The following MYCBP2 variants were observed in gnomAD, a reference collection of about 807,000 sequenced individuals.
MYCBP2 encodes the protein MYC binding protein 2.
A neutral mutation model predicts 525.3 loss-of-function variants in MYCBP2; 120 were observed. The ratio of observed to expected loss-of-function variants is 0.23; its 90% confidence interval spans 0.20 to 0.27. The LOEUF is 0.27. Among genes scored for constraint, MYCBP2 ranks in the 10% least tolerant of loss-of-function variants. The pLI, the probability that MYCBP2 is intolerant of heterozygous loss-of-function variation, is 1.00. For synonymous variants in MYCBP2, 1,894 were observed against 1,955.8 expected (o/e 0.97, Z 0.83); for missense variants, 4,149 against 5,657.1 (o/e 0.73, Z 8.55).
intron 1 of MYCBP2, among the ~76,000 whole-genome samples, chr13:77,301,077 A>G (rs890067862): frequency 2.6e-5 from 4 of 152,164 alleles, no homozygotes; most frequent in African/African-American, 4.8e-5. Context: ...TCCCAGTGGT[A>G]TATCTCCTCA....
At chr13:77,107,610 C>T (rs1594600999) in intron 55 of MYCBP2, among the ~76,000 whole-genome samples, 2 of 151,958 alleles carry the variant, frequency 1.3e-5, no homozygotes, top group South Asian at 2.1e-4. Flanking sequence ...TGGGGACACT[C>T]GCCTCCAGTC....
chr13:77,186,862 A>G (rs1294005135), intron 30 of MYCBP2, among the ~76,000 whole-genome samples: 1 of 148,904 alleles, frequency 6.7e-6, no homozygotes, highest in East Asian at 2.0e-4. Context: ...CTGGAATGCA[A>G]TGGTGTGATC....
At chr13:77,194,079 T>C in intron 27 of MYCBP2, 74 bp downstream of exon 27, 1 of 909,590 alleles carries the variant, frequency 1.1e-6, no homozygotes, top group Non-Finnish European at 1.7e-6. Flanking sequence ...TTTTAAAGTA[T>C]GTTTATTCAT....
chr13:77,159,721 G>GT lies in MYCBP2; in HGVS notation c.6598-1613dup, dbSNP rs1314288435. Among the ~76,000 whole-genome samples, 3 of 152,018 alleles carry GT rather than the reference G, an allele frequency of 2.0e-5. No homozygotes were observed. The East Asian group carries it at 5.8e-4, about 29-fold the overall frequency. On this transcript the variant is annotated intron_variant, in intron 44 of 82. Coordinates refer to ENST00000544440, the MANE Select transcript of MYCBP2 (RefSeq NM_015057.5). ...TTCCCTTTTGCCTTCTGCCATGATT[G>GT]TAAGTTTCCTGAGGCCTCCTCAGCC...
chr13:77,070,827 G>A, intron 68 of MYCBP2, 116 bp from the exon 69 acceptor site: 1 of 581,832 alleles, frequency 1.7e-6, no homozygotes, highest in Non-Finnish European at 2.8e-6. Flanking sequence ...TATTTTTAAA[G>A]TAAATTTATT....
chr13:77,214,175 C>A (rs2064452893), intron 21 of MYCBP2, among the ~76,000 whole-genome samples: 1 of 152,212 alleles, frequency 6.6e-6, no homozygotes, highest in South Asian at 2.1e-4. Context: ...AAAGGTACCA[C>A]AACACATTCT....
At chr13:77,242,913 C>T (rs1594259081) in intron 17 of MYCBP2, 146 bp downstream of exon 17, 1 of 636,378 alleles carries the variant, frequency 1.6e-6, no homozygotes, top group East Asian at 2.8e-5. Context: ...TGAATATTTT[C>T]CCATTATATG....
chr13:77,126,337 T>G lies in MYCBP2; in HGVS notation c.7865A>C (p.Lys2622Thr). 1 of 1,613,820 alleles carries G rather than the reference T, an allele frequency of 6.2e-7. No homozygotes were observed. Reference sequence around the variant, plus strand: ...CCATACCTCTCCCACTGCTTTGACTTTGTTTCCCAGAACTAACATTCCAAT... The same window carrying G: ...CCATACCTCTCCCACTGCTTTGACTGTGTTTCCCAGAACTAACATTCCAAT... ...IPIGMLVLGN[K>T]VKAVGEVTNS... is the part of the protein sequence containing the mutation. Residue 2622 changes from lysine (K) to threonine (T), a missense_variant, in exon 53 of 83, where the codon AAA (lysine) becomes ACA (threonine). Physicochemically the swap from Lys to Thr is moderately conservative, Grantham distance 78 (BLOSUM62 -1). This residue lies in a region of MYCBP2 where 653 missense variants were observed against 744.7 expected (regional missense o/e 0.88). Transcript: ENST00000544440.
chr13:77,191,915 G>T, intron 27 of MYCBP2, 102 bp from the exon 28 acceptor site: 3 of 1,119,596 alleles, frequency 2.7e-6, no homozygotes, highest in Non-Finnish European at 3.8e-6. Context: ...GAAACTAACT[G>T]TATTATAAAA....
chr13:77,070,892 C>T (rs745978933), intron 68 of MYCBP2, among the ~76,000 whole-genome samples, 181 bp from the exon 69 acceptor site: 1 of 151,958 alleles, frequency 6.6e-6, no homozygotes, highest in Non-Finnish European at 1.5e-5. Context: ...ATAAAAAGAA[C>T]AAAATCTCAG....
rs747618129 is a variant in MYCBP2 at position 77,140,120 on chromosome 13, C to T, written c.7445G>A (p.Arg2482His). Residue 2482 changes from arginine (R) to histidine (H), a missense_variant, in exon 51 of 83, where the codon CGT becomes CAT. Physicochemically the swap from Arg to His is conservative, Grantham distance 29. Transcript: ENST00000544440. ...VAKDSAGLRI[R>H]SHPSLQSEQI... ...CTCACTCTGAAGGGAAGGGTGGCTACGGATGCGAAGCCCCGCACTGTCCTT... is the reference window on the plus strand; with the variant it reads ...CTCACTCTGAAGGGAAGGGTGGCTATGGATGCGAAGCCCCGCACTGTCCTT... 1.2e-6 allele frequency: 2 copies of T among 1,613,074 alleles called. No individual in the cohort carries two copies. The highest frequency in any genetic ancestry group is 1.7e-6 in the Non-Finnish European group (2 of 1,179,746).
chr13:77,121,725 G>C (rs149154041), intron 54 of MYCBP2, among the ~76,000 whole-genome samples: 62 of 152,176 alleles, frequency 4.1e-4, no homozygotes, highest in Middle Eastern at 3.4e-3. Flanking sequence ...AATGAGATAG[G>C]CTCTTATGAA....
At chr13:77,290,024 A>C (rs1464639449) in intron 2 of MYCBP2, among the ~76,000 whole-genome samples, 1 of 152,184 alleles carries the variant, frequency 6.6e-6, no homozygotes, top group African/African-American at 2.4e-5. Context: ...AAAAGTCAAC[A>C]GTAAAAACAA....
At position 77,294,104 on chromosome 13, in the gene MYCBP2, C is replaced by CTATATATATATACATA. The variant is rs2077779847; in HGVS notation, c.378+2494_378+2495insTATGTATATATATATA. Among the ~76,000 whole-genome samples the CTATATATATATACATA allele has an allele frequency of 7.2e-4, 30 of 41,908 alleles. 1 individual carries two copies. The highest frequency in any genetic ancestry group is 2.1e-3 in the African/African-American group (30 of 14,580). 27.5% of individuals were successfully genotyped at this position (41,908 alleles called of 152,430 possible). On this transcript the variant is annotated intron_variant, in intron 2 of 82. Coordinates refer to ENST00000544440, the MANE Select transcript of MYCBP2 (RefSeq NM_015057.5). ...GATAGCCATAAAGTAGATATAATGG[C>CTATATATATATACATA]TATATATATATATATATATATATAT...
chr13:77,188,690 T>C (rs1161018758), intron 30 of MYCBP2, among the ~76,000 whole-genome samples: 1 of 152,240 alleles, frequency 6.6e-6, no homozygotes, highest in Non-Finnish European at 1.5e-5. Flanking sequence ...TATGATTTAC[T>C]AGAAAAGCAA....
At chr13:77,169,776 A>G in intron 38 of MYCBP2, 62 bp from the exon 39 acceptor site, 13 of 1,272,646 alleles carry the variant, frequency 1.0e-5, no homozygotes, top group Non-Finnish European at 1.3e-5. Context: ...TGTACTGCAT[A>G]CATGCTGTAC....
At chr13:77,061,558 G>C in intron 75 of MYCBP2, 104 bp downstream of exon 75, 1 of 1,352,154 alleles carries the variant, frequency 7.4e-7, no homozygotes, top group Non-Finnish European at 1.0e-6. Flanking sequence ...CAAGGTCTTT[G>C]ATTCCAAAGT....
Position 77,257,743 on chromosome 13 carries a change from C to T in MYCBP2, c.2104G>A (p.Val702Met). The T allele has an allele frequency of 6.2e-7, 1 of 1,613,580 alleles. No individual in the cohort carries two copies. Among genetic ancestry groups the T allele is most frequent in the Non-Finnish European group, 8.5e-7 (1 of 1,179,774 alleles). Residue 702 changes from valine (V) to methionine (M), a missense_variant, in exon 14 of 83, where the codon GTG (valine) becomes ATG (methionine). Around this residue, in one of 21 missense-constraint regions of MYCBP2, gnomAD observed 262 missense variants for 419.3 expected, o/e 0.62. Coordinates refer to ENST00000544440, the MANE Select transcript of MYCBP2 (RefSeq NM_015057.5). ...HTCVLMKNGE[V>M]WTFGVNNKGQ... Reference sequence around the variant, plus strand: ...TTATTATTTACACCAAATGTCCACACCTCTCCATTCTTCATTAAAACACAA... The same window carrying T: ...TTATTATTTACACCAAATGTCCACATCTCTCCATTCTTCATTAAAACACAA...
At chr13:77,109,884 A>G (rs1303956127) in intron 55 of MYCBP2, 1 of 152,192 alleles carries the variant, frequency 6.6e-6, no homozygotes, top group Non-Finnish European at 1.5e-5. Flanking sequence ...ATGGACATTT[A>G]TCAGTTCCCA....
Sources: gnomAD v4.1 joint callset for allele counts (sites outside exome capture counted in the v4.1 genomes callset) on GRCh38, gnomAD v4.1.1 for gene constraint, gnomAD v4.1.1 regional missense constraint, MANE v1.5 for transcripts, NCBI Gene and HGNC (gene_info 2026-07-23, HGNC 2026-07-21) for gene names.